The following BTRC variants were observed in gnomAD, a reference collection of about 807,000 sequenced individuals.
The protein encoded by BTRC is beta-transducin repeat containing E3 ubiquitin protein ligase.
Under a neutral mutation model 85.5 loss-of-function variants are expected in BTRC, and 42 were observed. The observed-to-expected ratio is 0.49, with a 90% CI of 0.38 to 0.64. BTRC has a LOEUF of 0.64. Among genes scored for constraint, BTRC ranks in the 30% least tolerant of loss-of-function variants. The pLI is 0.00. For synonymous variants in BTRC, 255 were observed against 263.3 expected (o/e 0.97, Z 0.30); for missense variants, 594 against 743.5 (o/e 0.80, Z 2.34).
intron 1 of BTRC, among the ~76,000 whole-genome samples, chr10:101,415,529 AT>A (rs1943918166): frequency 1.8e-4 from 2 of 11,120 alleles, no homozygotes; most frequent in African/African-American, 2.6e-4. Context: ...ATGTTATGTT[AT>A]GTTATGTTAT....
At chr10:101,469,335 CAA>C (rs1296632610) in intron 3 of BTRC, among the ~76,000 whole-genome samples, 2 of 152,120 alleles carry the variant, frequency 1.3e-5, no homozygotes, top group Admixed American at 6.6e-5. Flanking sequence ...GGGAGATCAG[CAA>C]AGTCATTTAC....
chr10:101,432,265 C>CTG (rs1944422453), intron 2 of BTRC, among the ~76,000 whole-genome samples: 1 of 151,752 alleles, frequency 6.6e-6, no homozygotes, highest in African/African-American at 2.4e-5. Flanking sequence ...GTAGCTGAGA[C>CTG]TACAGGCACA....
At chr10:101,381,135 A>G (rs1324393849) in intron 1 of BTRC, among the ~76,000 whole-genome samples, 1 of 145,770 alleles carries the variant, frequency 6.9e-6, no homozygotes, top group Admixed American at 6.9e-5. Context: ...GATAATAATA[A>G]CAATAATAAT....
intron 1 of BTRC, among the ~76,000 whole-genome samples, chr10:101,411,475 C>CT (rs1326553709): frequency 6.6e-6 from 1 of 152,168 alleles, no homozygotes; most frequent in Non-Finnish European, 1.5e-5. Context: ...GTCACTGAAG[C>CT]TTTGTTCAGT....
At chr10:101,415,995 G>A (rs540121730) in intron 1 of BTRC, among the ~76,000 whole-genome samples, 1 of 152,174 alleles carries the variant, frequency 6.6e-6, no homozygotes, top group African/African-American at 2.4e-5. Flanking sequence ...TAGTCTAGGC[G>A]TGTGGTAGTA....
intron 1 of BTRC, among the ~76,000 whole-genome samples, chr10:101,410,756 G>A (rs907296606): frequency 5.9e-5 from 9 of 151,908 alleles, no homozygotes; most frequent in Non-Finnish European, 1.0e-4. Flanking sequence ...ACTGTTCTTA[G>A]AGATATGATT....
At chr10:101,549,541 C>T (rs1418624396) in intron 13 of BTRC, among the ~76,000 whole-genome samples, 2 of 150,558 alleles carry the variant, frequency 1.3e-5, no homozygotes, top group African/African-American at 2.4e-5. Flanking sequence ...GATGAAACCC[C>T]GTCTCTACTA....
intron 1 of BTRC, among the ~76,000 whole-genome samples, chr10:101,404,030 A>ATATATATATTTTTTT (rs1232082481): frequency 3.9e-5 from 1 of 25,424 alleles, no homozygotes; most frequent in Admixed American, 9.3e-4. Context: ...ATATATATAT[A>ATATATATATTTTTTT]TTTTTTTTTT....
At chr10:101,415,902 C>T (rs190174004) in intron 1 of BTRC, among the ~76,000 whole-genome samples, 174 of 152,276 alleles carry the variant, frequency 1.1e-3, no homozygotes, top group African/African-American at 3.9e-3. Flanking sequence ...CAAATACTTT[C>T]CACTATATTG....
chr10:101,482,739 A>T (rs986696472), intron 4 of BTRC, among the ~76,000 whole-genome samples: 2 of 151,570 alleles, frequency 1.3e-5, no homozygotes, highest in Non-Finnish European at 2.9e-5. Context: ...GAATGGAATG[A>T]CTTGTCATTA....
intron 1 of BTRC, among the ~76,000 whole-genome samples, chr10:101,362,118 AC>A (rs1174998945): frequency 6.6e-6 from 1 of 151,494 alleles, no homozygotes; most frequent in Non-Finnish European, 1.5e-5. Flanking sequence ...GTACCACCAC[AC>A]CCAGCTCATT....
Position 101,379,252 on chromosome 10 carries a change from T to C in BTRC, c.48+25024T>C, listed in dbSNP as rs536962954. 2.0e-5 allele frequency among the ~76,000 whole-genome samples: 3 copies of C among 152,350 alleles called. No homozygotes were observed. In the East Asian group the frequency reaches 5.8e-4, roughly 29 times the overall value. On this transcript the variant is annotated intron_variant, in intron 1 of 14. Transcript: ENST00000370187. ...TTTGATTATATGGTAGTCTTCTGAATATGGTCCTCTTACCTGACACATATG... is the reference window on the plus strand; with the variant it reads ...TTTGATTATATGGTAGTCTTCTGAACATGGTCCTCTTACCTGACACATATG...
chr10:101,544,386 A>G (rs1342256374), intron 13 of BTRC, among the ~76,000 whole-genome samples: 2 of 146,010 alleles, frequency 1.4e-5, no homozygotes, highest in East Asian at 4.0e-4. Context: ...AAATACTTTC[A>G]CTTGTTGTTT....
Position 101,522,377 on chromosome 10 carries a change from CAA to C in BTRC, c.556+519_556+520del, listed in dbSNP as rs377683037. ...TAAAAAAAAAAAAAACAAAAAAAAA[CAA>C]AAAAAAAAAAACTCTAGAAATAAAG... On this transcript the variant is annotated intron_variant, in intron 5 of 14. Transcript: ENST00000370187. 6.5e-3 allele frequency among the ~76,000 whole-genome samples: 320 copies of C among 49,322 alleles called. 11 individuals are homozygous for C. The highest frequency in any genetic ancestry group is 0.018 in the African/African-American group (298 of 16,630). 32.4% of individuals were successfully genotyped at this position (49,322 alleles called of 152,430 possible). A position where few individuals can be genotyped will look rare whatever the true frequency, so the allele number is the denominator to read the frequency against.
chr10:101,359,974 GA>G (rs1942154044), intron 1 of BTRC, among the ~76,000 whole-genome samples: 1 of 152,152 alleles, frequency 6.6e-6, no homozygotes, highest in Admixed American at 6.5e-5. Flanking sequence ...ATTAGATGTG[GA>G]GTAAAAATTC....
intron 1 of BTRC, among the ~76,000 whole-genome samples, chr10:101,371,783 C>G (rs529657653): frequency 6.6e-6 from 1 of 152,164 alleles, no homozygotes; most frequent in East Asian, 1.9e-4. Context: ...GCTCTGCAAT[C>G]CATCTGGAAT....
chr10:101,520,401 G>T (rs1201195076), intron 4 of BTRC, among the ~76,000 whole-genome samples: 1 of 152,154 alleles, frequency 6.6e-6, no homozygotes, highest in East Asian at 1.9e-4. Context: ...TGTTAGTGAT[G>T]TTAGAGACTG....
rs535656002 is a variant in BTRC at position 101,387,528 on chromosome 10, C to CT, written c.48+33318dup. Among the ~76,000 whole-genome samples the CT allele has an allele frequency of 6.2e-4, 28 of 45,090 alleles. 7 individuals are homozygous for CT. Among genetic ancestry groups the CT allele is most frequent in the East Asian group, 3.8e-3 (3 of 786 alleles). 29.6% of individuals were successfully genotyped at this position (45,090 alleles called of 152,430 possible). ...TGTGGCTTTTTATACCTTCATGGGA[C>CT]TTTTTTTTTTTTTTTTTTGAGATAG... On this transcript the variant is annotated intron_variant, in intron 1 of 14. Transcript: ENST00000370187.
chr10:101,499,752 A>G (rs1418877145), intron 4 of BTRC, among the ~76,000 whole-genome samples: 1 of 151,218 alleles, frequency 6.6e-6, no homozygotes, highest in African/African-American at 2.4e-5. Context: ...ATTGCTCACT[A>G]TCAAAAAATG....
Sources: gnomAD v4.1 joint callset for allele counts (sites outside exome capture counted in the v4.1 genomes callset) on GRCh38, gnomAD v4.1.1 for gene constraint, MANE v1.5 for transcripts, NCBI Gene and HGNC (gene_info 2026-07-23, HGNC 2026-07-21) for gene names.